The following COL19A1 variants were observed in gnomAD, a reference collection of about 807,000 sequenced individuals.
COL19A1 encodes the protein collagen alpha-1(XIX) chain.
Under a neutral mutation model 190.2 loss-of-function variants are expected in COL19A1, and 159 were observed. The ratio of observed to expected loss-of-function variants is 0.84; its 90% CI spans 0.73 to 0.95. The LOEUF is 0.95. Ranked by LOEUF, COL19A1 falls within the 40% of genes least tolerant of loss-of-function variation. COL19A1 has a pLI of 0.00. For synonymous variants in COL19A1, 509 were observed against 458.9 expected (o/e 1.11, Z -1.39); for missense variants, 1,418 against 1,431.9 (o/e 0.99, Z 0.16).
chr6:70,032,845 A>G (rs1779146529), intron 12 of COL19A1, among the ~76,000 whole-genome samples: 1 of 152,170 alleles, frequency 6.6e-6, no homozygotes. Context: ...TTAATAATAA[A>G]TCTATTCACA....
intron 9 of COL19A1, among the ~76,000 whole-genome samples, chr6:69,949,797 C>T (rs1157446452): frequency 6.6e-6 from 1 of 151,748 alleles, no homozygotes; most frequent in African/African-American, 2.4e-5. Context: ...TTTTGTTTTG[C>T]TTTGCTTTAC....
chr6:70,037,781 A>G (rs370008459), intron 14 of COL19A1, among the ~76,000 whole-genome samples: 27 of 152,312 alleles, frequency 1.8e-4, no homozygotes, highest in African/African-American at 6.0e-4. Flanking sequence ...TGGATGTTTA[A>G]TAGCAGCTAG....
At chr6:70,047,778 A>G (rs1779989400) in intron 14 of COL19A1, among the ~76,000 whole-genome samples, 1 of 152,160 alleles carries the variant, frequency 6.6e-6, no homozygotes, top group Admixed American at 6.6e-5. Flanking sequence ...TTTTACTGAA[A>G]TACATTACTA....
chr6:69,913,052 A>G (rs985034442), intron 4 of COL19A1, among the ~76,000 whole-genome samples: 2 of 152,040 alleles, frequency 1.3e-5, no homozygotes, highest in African/African-American at 4.8e-5. Flanking sequence ...TCATGCCACT[A>G]CACTCCAGCC....
At chr6:70,173,543 G>A (rs925936427) in intron 41 of COL19A1, among the ~76,000 whole-genome samples, 72 of 152,290 alleles carry the variant, frequency 4.7e-4, no homozygotes, top group African/African-American at 1.6e-3. Flanking sequence ...ACTGCAAATA[G>A]GTCAAGTACA....
chr6:69,967,018 A>G (rs1220244313), intron 11 of COL19A1, among the ~76,000 whole-genome samples: 2 of 152,186 alleles, frequency 1.3e-5, no homozygotes, highest in Non-Finnish European at 2.9e-5. Flanking sequence ...TTTTAAAATG[A>G]TGATTATTTT....
intron 13 of COL19A1, 129 bp from the exon 14 acceptor site, chr6:70,035,775 A>G: frequency 2.9e-6 from 2 of 682,304 alleles, no homozygotes; most frequent in South Asian, 2.2e-5. Flanking sequence ...GACTTTTATC[A>G]GGATGAAGTT....
chr6:69,882,566 T>A (rs1768633899), intron 2 of COL19A1, among the ~76,000 whole-genome samples: 1 of 152,194 alleles, frequency 6.6e-6, no homozygotes, highest in African/African-American at 2.4e-5. Flanking sequence ...AAAAGTACTA[T>A]ATCATCATAA....
Position 70,206,985 on chromosome 6 carries a change from G to C in COL19A1, c.3301+7G>C, listed in dbSNP as rs1767911690. On this transcript the variant is annotated splice_region_variant and intron_variant, in intron 50 of 50. Coordinates refer to ENST00000620364, the MANE Select transcript of COL19A1 (RefSeq NM_001858.6). ...GGTCTTCCTGGGACTTCAGGTAAGTGGGATATTGTCTTCACAACACAAGCA... is the reference window on the plus strand; with the variant it reads ...GGTCTTCCTGGGACTTCAGGTAAGTCGGATATTGTCTTCACAACACAAGCA... The C allele has an allele frequency of 6.2e-7, 1 of 1,612,788 alleles. No homozygotes were observed. The highest frequency in any genetic ancestry group is 1.7e-5 in the Admixed American group (1 of 59,714).
At chr6:69,997,022 T>TAG (rs1430828833) in intron 11 of COL19A1, among the ~76,000 whole-genome samples, 3 of 144,158 alleles carry the variant, frequency 2.1e-5, no homozygotes, top group East Asian at 2.0e-4. Context: ...TACATATATA[T>TAG]ATATAGAGAG....
At chr6:70,109,896 T>A (rs557036529) in intron 16 of COL19A1, among the ~76,000 whole-genome samples, 1 of 152,264 alleles carries the variant, frequency 6.6e-6, no homozygotes, top group African/African-American at 2.4e-5. Context: ...GTTGAGTCAG[T>A]TGAACAGTTG....
intron 13 of COL19A1, among the ~76,000 whole-genome samples, chr6:70,035,453 G>A (rs945486239): frequency 6.6e-6 from 1 of 152,194 alleles, no homozygotes; most frequent in African/African-American, 2.4e-5. Context: ...AGCTTTAGAA[G>A]AGGCCATGGG....
In COL19A1 at chr6:70,188,189, A is replaced by G; in HGVS notation, c.2971A>G (p.Met991Val). The change falls in exon 47 of 51, where the codon ATG becomes GTG. Residue 991 changes from methionine (M) to valine (V), a missense_variant. Physicochemically the swap from Met to Val is conservative, Grantham distance 21 (BLOSUM62 1). Transcript: ENST00000620364. ...GGGTCCACCAGGAAACAAGGGCTCC[A>G]TGGGATCCCCTGGCCACCAAGGCCC... ...PMGPPGNKGS[M>V]GSPGHQGPPG... The G allele has an allele frequency of 6.2e-7, 1 of 1,613,440 alleles. No individual in the cohort carries two copies. Among genetic ancestry groups the G allele is most frequent in the East Asian group, 2.2e-5 (1 of 44,876 alleles).
At chr6:70,068,950 G>A (rs1179669042) in intron 15 of COL19A1, among the ~76,000 whole-genome samples, 1 of 152,016 alleles carries the variant, frequency 6.6e-6, no homozygotes, top group African/African-American at 2.4e-5. Flanking sequence ...GTTGGAATTG[G>A]TAGTAGAGCA....
At chr6:70,137,661 C>A (rs1785952145) in intron 18 of COL19A1, 24 bp from the exon 19 acceptor site, 1 of 1,611,672 alleles carries the variant, frequency 6.2e-7, no homozygotes, top group Non-Finnish European at 8.5e-7. Flanking sequence ...TCTGCAAAAT[C>A]TCTCTTCTGC....
Position 69,938,237 on chromosome 6 carries a change from C to T in COL19A1, c.936+137C>T, listed in dbSNP as rs570323386. 54 of 774,978 alleles carry T rather than the reference C, an allele frequency of 7.0e-5. No homozygotes were observed. The Admixed American group carries it at 1.3e-3, about 18-fold the overall frequency. The allele number at this position is 774,978 out of a possible 1,614,324, so 48.0% of individuals were successfully genotyped here. A position where few individuals can be genotyped will look rare whatever the true frequency, so the allele number is the denominator to read the frequency against. On this transcript the variant is annotated intron_variant, in intron 9 of 50. Coordinates refer to ENST00000620364, the MANE Select transcript of COL19A1 (RefSeq NM_001858.6). ...GGCTATCAAAGACTATATTAAAATG[C>T]TGATTACTGAAATAGAGACTATCAG...
intron 16 of COL19A1, among the ~76,000 whole-genome samples, chr6:70,115,805 G>T (rs10455703): frequency 0.26 from 35,509 of 136,318 alleles, 4,788 homozygotes; most frequent in South Asian, 0.42. Flanking sequence ...TGTTTTTTTT[G>T]TTTTGTTTTT....
chr6:69,957,253 G>A (rs1349583213), intron 9 of COL19A1, among the ~76,000 whole-genome samples: 8 of 152,016 alleles, frequency 5.3e-5, no homozygotes, highest in Non-Finnish European at 1.2e-4. Flanking sequence ...TGATTACAAG[G>A]ACGTAAAATT....
intron 4 of COL19A1, among the ~76,000 whole-genome samples, chr6:69,922,640 C>G (rs1772064127): frequency 6.6e-6 from 1 of 151,928 alleles, no homozygotes; most frequent in Admixed American, 6.6e-5. Flanking sequence ...GCCACCATGC[C>G]TGACTAATTT....
Sources: allele counts gnomAD v4.1 joint callset (sites outside exome capture counted in the v4.1 genomes callset), GRCh38; gene constraint gnomAD v4.1.1; transcripts MANE v1.5; gene names NCBI Gene and HGNC (gene_info 2026-07-23, HGNC 2026-07-21).